Variants in ATP9A observed in about 807,000 individuals in gnomAD.
The protein encoded by ATP9A is probable phospholipid-transporting ATPase IIA.
A neutral mutation model predicts 144.1 loss-of-function variants in ATP9A; 52 were observed. That is an observed-to-expected ratio of 0.36 (90% CI 0.29 to 0.45). The LOEUF is 0.45. Among genes scored for constraint, ATP9A ranks in the 20% least tolerant of loss-of-function variants. ATP9A has a pLI of 1.00. For missense variants in ATP9A, 947 were observed against 1,392.7 expected (o/e 0.68, Z 5.09); for synonymous variants, 582 against 557.4 (o/e 1.04, Z -0.62).
At chr20:51,761,566 C>A (rs1022766963) in intron 1 of ATP9A, among the ~76,000 whole-genome samples, 12 of 152,012 alleles carry the variant, frequency 7.9e-5, no homozygotes, top group Non-Finnish European at 1.3e-4. Flanking sequence ...TCCAGACCAT[C>A]CTGGCTAACA....
chr20:51,722,480 TCAAA>T (rs577355787), intron 3 of ATP9A, among the ~76,000 whole-genome samples: 200 of 151,800 alleles, frequency 1.3e-3, no homozygotes, highest in African/African-American at 4.7e-3. Flanking sequence ...TACAAAGAAC[TCAAA>T]CAAATCAGTA....
At chr20:51,747,105 T>G (rs1410473275) in intron 1 of ATP9A, among the ~76,000 whole-genome samples, 12 of 145,914 alleles carry the variant, frequency 8.2e-5, no homozygotes, top group Admixed American at 3.3e-4. Flanking sequence ...TTCGTTTTTT[T>G]TTTTTTTTTT....
intron 22 of ATP9A, among the ~76,000 whole-genome samples, chr20:51,615,842 G>A (rs1011467053): frequency 6.6e-6 from 1 of 152,088 alleles, no homozygotes; most frequent in South Asian, 2.1e-4. Flanking sequence ...CACCATGTTG[G>A]CCAGGCTGGT....
intron 22 of ATP9A, among the ~76,000 whole-genome samples, chr20:51,614,101 A>G (rs1337913765): frequency 1.3e-5 from 2 of 152,196 alleles, no homozygotes; most frequent in Admixed American, 1.3e-4. Context: ...AGCCCACCCC[A>G]TAAGTAGCAA....
intron 13 of ATP9A, 56 bp downstream of exon 13, chr20:51,669,941 C>G (rs1275001508): frequency 4.9e-6 from 5 of 1,025,654 alleles, no homozygotes; most frequent in Non-Finnish European, 7.4e-6. Context: ...CTCAATATAG[C>G]TGTTAAAAAA....
chr20:51,642,726 CAAAAAAAAAAAAAAA>C (rs778440862), intron 14 of ATP9A, among the ~76,000 whole-genome samples: 29 of 31,146 alleles, frequency 9.3e-4, no homozygotes, highest in Middle Eastern at 0.018. Flanking sequence ...ACTCTGTCTC[CAAAAAAAAAAAAAAA>C]AAAAAAAAAA....
At chr20:51,755,317 C>T (rs2077851069) in intron 1 of ATP9A, among the ~76,000 whole-genome samples, 1 of 151,786 alleles carries the variant, frequency 6.6e-6, no homozygotes, top group Non-Finnish European at 1.5e-5. Context: ...GGCCTGTAAT[C>T]CCAGCTACCC....
chr20:51,757,295 A>G (rs117591192), intron 1 of ATP9A, among the ~76,000 whole-genome samples: 3,664 of 152,182 alleles, frequency 0.024, 64 homozygotes, highest in Non-Finnish European at 0.038. Flanking sequence ...TGGGATTACA[A>G]GTGTGAGCCA....
intron 19 of ATP9A, among the ~76,000 whole-genome samples, chr20:51,619,693 A>AC (rs1395374351): frequency 1.3e-5 from 2 of 151,472 alleles, no homozygotes; most frequent in African/African-American, 4.9e-5. Context: ...ACATGGAGAA[A>AC]CCCCATCTCT....
chr20:51,740,015 T>C (rs1399498959), intron 1 of ATP9A, among the ~76,000 whole-genome samples: 2 of 152,232 alleles, frequency 1.3e-5, no homozygotes, highest in East Asian at 3.9e-4. Context: ...AAAATAGCTT[T>C]TGTTGTACTT....
chr20:51,608,840 A>G lies in ATP9A; in HGVS notation c.2637-214T>C, dbSNP rs535877955. On this transcript the variant is annotated intron_variant, in intron 24 of 27. Transcript: ENST00000338821. ...GAGCTTTCATCCCGGTCAGCGAGTC[A>G]ATAAACAAATAAATTAGGTAAACTC... 2.6e-5 allele frequency among the ~76,000 whole-genome samples: 4 copies of G among 152,308 alleles called. No individual in the cohort carries two copies. The East Asian group carries it at 5.8e-4, about 22-fold the overall frequency.
intron 14 of ATP9A, among the ~76,000 whole-genome samples, chr20:51,650,981 T>A (rs960608690): frequency 1.3e-5 from 2 of 151,452 alleles, no homozygotes; most frequent in African/African-American, 4.9e-5. Flanking sequence ...GACTTTCTTT[T>A]TTTTAAATTT....
chr20:51,723,337 C>G (rs2077697647), intron 3 of ATP9A, among the ~76,000 whole-genome samples: 2 of 151,744 alleles, frequency 1.3e-5, no homozygotes, highest in Non-Finnish European at 2.9e-5. Context: ...CAAAATCTCA[C>G]AAATCACCAC....
At chr20:51,661,516 C>A (rs937489428) in intron 13 of ATP9A, among the ~76,000 whole-genome samples, 4 of 142,130 alleles carry the variant, frequency 2.8e-5, no homozygotes, top group African/African-American at 1.0e-4. Flanking sequence ...GCGTGCACCA[C>A]CATGCCCAGC....
At chr20:51,683,996 C>A (rs1306779804) in intron 9 of ATP9A, among the ~76,000 whole-genome samples, 1 of 152,110 alleles carries the variant, frequency 6.6e-6, no homozygotes, top group Non-Finnish European at 1.5e-5. Flanking sequence ...CCAGCCTGGG[C>A]AACATGGCAA....
rs118151281 is a variant in ATP9A at position 51,750,320 on chromosome 20, G to T, written c.68+17982C>A. 2.0e-5 allele frequency among the ~76,000 whole-genome samples: 3 copies of T among 152,194 alleles called. No individual in the cohort carries two copies. In the East Asian group the frequency reaches 5.8e-4, roughly 29 times the overall value. Reference sequence around the variant, plus strand: ...ACACAAACGTGCTCCGTCACTAAGCGTGGGCTGATGACTCATTCTCCTGGG... The same window carrying T: ...ACACAAACGTGCTCCGTCACTAAGCTTGGGCTGATGACTCATTCTCCTGGG... On this transcript the variant is annotated intron_variant, in intron 1 of 27. Transcript: ENST00000338821.
At position 51,611,981 on chromosome 20, in the gene ATP9A, A is replaced by T. The variant is rs1022253650; in HGVS notation, c.2571+1696T>A. On this transcript the variant is annotated intron_variant, in intron 23 of 27. Transcript: ENST00000338821. The surrounding 1 kb of genome is among the most constrained non-coding windows in gnomAD (Gnocchi z 4.2). ...CACTACCTGATACATTGTACAAGGCAGACCGCCTTTCAAGTATGATTAAAC... is the reference window on the plus strand; with the variant it reads ...CACTACCTGATACATTGTACAAGGCTGACCGCCTTTCAAGTATGATTAAAC... 6.6e-6 allele frequency among the ~76,000 whole-genome samples: 1 copy of T among 152,274 alleles called. No individual in the cohort carries two copies.
intron 1 of ATP9A, among the ~76,000 whole-genome samples, chr20:51,767,778 G>A (rs1284195165): frequency 6.6e-6 from 1 of 152,292 alleles, no homozygotes; most frequent in Admixed American, 6.5e-5. Context: ...CGGAGCGCAG[G>A]TGGTCTCGGC....
Position 51,674,242 on chromosome 20 carries a change from C to A in ATP9A, c.948G>T (p.Leu316=), listed in dbSNP as rs2077468020. The A allele has an allele frequency of 1.9e-6, 3 of 1,613,974 alleles. No homozygotes were observed. The highest frequency in any genetic ancestry group is 2.5e-6 in the Non-Finnish European group (3 of 1,179,988). Residue 316 remains leucine (L), a synonymous_variant, in exon 11 of 28, where the codon CTG becomes CTT. Transcript: ENST00000338821. ...ILFGALVVVS[L]VMVALQHFAG... ...CAAAGTGCTGAAGGGCAACCATGAC[C>A]AGCGAGACCACCACCAGGGCACCAA...
Sources: gnomAD v4.1 joint callset for allele counts (sites outside exome capture counted in the v4.1 genomes callset) on GRCh38, gnomAD v4.1.1 for gene constraint, Gnocchi (gnomAD v3.1) non-coding constraint, MANE v1.5 for transcripts, NCBI Gene and HGNC (gene_info 2026-07-23, HGNC 2026-07-21) for gene names.